The following CSMD1 variants were observed in gnomAD, a reference collection of about 807,000 sequenced individuals.
CSMD1 encodes CUB and Sushi multiple domains 1, also known as CUB and sushi domain-containing protein 1.
CSMD1 carries 213 observed loss-of-function variants against 417.5 expected under a neutral mutation model. The ratio of observed to expected loss-of-function variants is 0.51; its 90% confidence interval spans 0.46 to 0.57. The LOEUF is 0.57. Ranked by LOEUF, CSMD1 falls within the 20% of genes least tolerant of loss-of-function variation. CSMD1 has a pLI of 0.00. For synonymous variants in CSMD1, 2,862 were observed against 1,736.8 expected (o/e 1.65, Z -16.11); for missense variants, 6,923 against 4,529.7 (o/e 1.53, Z -15.17).
chr8:4,328,248 T>C (rs1345316479), intron 3 of CSMD1, among the ~76,000 whole-genome samples: 1 of 76,252 alleles, frequency 1.3e-5, no homozygotes, highest in African/African-American at 5.0e-5. Flanking sequence ...TACAATTTTT[T>C]TTTTTTTTTT....
intron 5 of CSMD1, among the ~76,000 whole-genome samples, chr8:3,859,940 T>C (rs1804580165): frequency 6.6e-6 from 1 of 152,190 alleles, no homozygotes; most frequent in Admixed American, 6.5e-5. Flanking sequence ...TAATAGCTTT[T>C]CATGAATTCC....
intron 3 of CSMD1, among the ~76,000 whole-genome samples, chr8:4,417,775 A>G (rs116692237): frequency 0.017 from 2,585 of 152,090 alleles, 72 homozygotes; most frequent in African/African-American, 0.059. Context: ...TATTATCATT[A>G]ATTCTACTTC....
At chr8:4,705,517 C>A (rs1807876604) in intron 1 of CSMD1, among the ~76,000 whole-genome samples, 2 of 152,218 alleles carry the variant, frequency 1.3e-5, no homozygotes, top group South Asian at 4.1e-4. Context: ...GAAACGCGCA[C>A]AGCCTTTATC....
intron 2 of CSMD1, among the ~76,000 whole-genome samples, chr8:4,458,526 G>C (rs957060617): frequency 2.6e-5 from 4 of 152,056 alleles, no homozygotes; most frequent in Non-Finnish European, 5.9e-5. Context: ...TAGTGTGAAA[G>C]AGGTATGTAT....
At chr8:4,474,800 G>T (rs1420356596) in intron 2 of CSMD1, among the ~76,000 whole-genome samples, 1 of 152,134 alleles carries the variant, frequency 6.6e-6, no homozygotes, top group Non-Finnish European at 1.5e-5. Flanking sequence ...AGACCATGAG[G>T]AGGAAGAATT....
intron 49 of CSMD1, among the ~76,000 whole-genome samples, chr8:3,077,931 C>T (rs1813804611): frequency 6.6e-6 from 1 of 152,256 alleles, no homozygotes; most frequent in Non-Finnish European, 1.5e-5. Flanking sequence ...GTTCCTCCTG[C>T]TGAAGTGGAA....
rs11993870 is a variant in CSMD1, at chr8:4,041,260, G to A, written c.416-9161C>T. The stretch of plus-strand genomic sequence containing the variant: ...TCACGATCTCCTGACCTCGTGATCC[G>A]CCCGCCTCGGCCTCCCAAAGTACGG... On this transcript the variant is annotated intron_variant, in intron 3 of 69. Coordinates refer to ENST00000635120, the MANE Select transcript of CSMD1 (RefSeq NM_033225.6). 7.9e-3 allele frequency among the ~76,000 whole-genome samples: 1,180 copies of A among 150,276 alleles called. 22 individuals are homozygous for A. Among genetic ancestry groups the A allele is most frequent in the African/African-American group, 0.026 (1,073 of 40,804 alleles).
At chr8:3,505,123 T>G (rs188937719) in intron 10 of CSMD1, among the ~76,000 whole-genome samples, 252 of 152,276 alleles carry the variant, frequency 1.7e-3, no homozygotes, top group African/African-American at 5.7e-3. Context: ...CACAGGCAGA[T>G]TTCAGTAAAT....
intron 8 of CSMD1, among the ~76,000 whole-genome samples, chr8:3,615,553 T>C (rs988904971): frequency 7.2e-5 from 11 of 152,226 alleles, no homozygotes; most frequent in Admixed American, 2.0e-4. Flanking sequence ...ATCTATACTT[T>C]GTATGCTTTT....
chr8:4,789,917 T>C (rs995468664), intron 1 of CSMD1, among the ~76,000 whole-genome samples: 2 of 152,212 alleles, frequency 1.3e-5, no homozygotes, highest in African/African-American at 4.8e-5. Context: ...AGCCATCAGA[T>C]CTGTTCTGCC....
intron 1 of CSMD1, among the ~76,000 whole-genome samples, chr8:4,757,959 C>CAAAAAAAAA (rs35869578): frequency 2.8e-5 from 2 of 72,044 alleles, no homozygotes; most frequent in Non-Finnish European, 2.7e-5. Flanking sequence ...GACTTTGTCT[C>CAAAAAAAAA]AAAAAAAAAA....
chr8:3,614,772 C>G (rs558970038), intron 8 of CSMD1, among the ~76,000 whole-genome samples: 1 of 152,300 alleles, frequency 6.6e-6, no homozygotes, highest in East Asian at 1.9e-4. Flanking sequence ...GTGCCACGCA[C>G]AGTTTTAGTC....
At chr8:2,994,161 A>AAAAAAAAAAAAAAAAAAAAAAAAG (rs1563216044) in intron 54 of CSMD1, among the ~76,000 whole-genome samples, 1 of 148,660 alleles carries the variant, frequency 6.7e-6, no homozygotes, top group African/African-American at 2.5e-5. Context: ...AAAAAAAAAA[A>AAAAAAAAAAAAAAAAAAAAAAAAG]AAAAAAAAAA....
chr8:3,674,339 T>C (rs1484691522), intron 7 of CSMD1, among the ~76,000 whole-genome samples: 1 of 152,162 alleles, frequency 6.6e-6, no homozygotes, highest in African/African-American at 2.4e-5. Flanking sequence ...AAATATCCTA[T>C]AATCTGAAGA....
Position 4,099,710 on chromosome 8 carries a change from G to T in CSMD1, c.416-67611C>A, listed in dbSNP as rs544473202. Among the ~76,000 whole-genome samples, 791 of 151,658 alleles carry T rather than the reference G, an allele frequency of 5.2e-3. 6 individuals carry two copies. Among genetic ancestry groups the T allele is most frequent in the African/African-American group, 0.018 (756 of 41,346 alleles). ...CAAACAAAACCTCTTCTTTTCTTTTGGGACTTTACTTGCTTTCTCCCCTCC... is the reference window on the plus strand; with the variant it reads ...CAAACAAAACCTCTTCTTTTCTTTTTGGACTTTACTTGCTTTCTCCCCTCC... On this transcript the variant is annotated intron_variant, in intron 3 of 69. Coordinates refer to ENST00000635120, the MANE Select transcript of CSMD1 (RefSeq NM_033225.6).
chr8:4,981,528 T>C (rs1233542931), intron 1 of CSMD1, among the ~76,000 whole-genome samples: 1 of 152,256 alleles, frequency 6.6e-6, no homozygotes, highest in Non-Finnish European at 1.5e-5. Context: ...TGCACTGCTT[T>C]CAATCAATTA....
chr8:3,265,510 G>A (rs1801370267), intron 26 of CSMD1, among the ~76,000 whole-genome samples: 1 of 152,122 alleles, frequency 6.6e-6, no homozygotes, highest in South Asian at 2.1e-4. Flanking sequence ...AGAAGGGGCT[G>A]GAGAAGGGAG....
chr8:3,140,456 T>C (rs541948956), intron 41 of CSMD1, among the ~76,000 whole-genome samples: 4 of 151,976 alleles, frequency 2.6e-5, no homozygotes, highest in Admixed American at 6.6e-5. Flanking sequence ...ACAGAAAGAG[T>C]GTTTCATAGA....
intron 40 of CSMD1, among the ~76,000 whole-genome samples, chr8:3,149,379 A>G (rs1189159179): frequency 6.6e-6 from 1 of 152,202 alleles, no homozygotes; most frequent in Non-Finnish European, 1.5e-5. Context: ...ACAAAATACA[A>G]CTGGGTGACT....
Sources: allele counts gnomAD v4.1 joint callset (sites outside exome capture counted in the v4.1 genomes callset), GRCh38; gene constraint gnomAD v4.1.1; transcripts MANE v1.5; gene names NCBI Gene and HGNC (gene_info 2026-07-23, HGNC 2026-07-21).